Variants in PCSK7 observed in about 807,000 individuals in gnomAD.
PCSK7 encodes proprotein convertase subtilisin/kexin type 7.
In PCSK7, 38 loss-of-function variants were observed where a neutral mutation model predicts 73.3. That is an observed-to-expected ratio of 0.52 (90% confidence interval 0.40 to 0.68). The LOEUF (loss-of-function observed/expected upper bound fraction) is 0.68. Ranked by LOEUF, PCSK7 falls within the 30% of genes least tolerant of loss-of-function variation. The pLI is 0.00. For synonymous variants in PCSK7, 296 were observed against 383.8 expected (o/e 0.77, Z 2.68); for missense variants, 692 against 991.5 (o/e 0.70, Z 4.06).
Position 117,225,986 on chromosome 11 carries a change from T to G in PCSK7, c.805A>C (p.Met269Leu). The G allele has an allele frequency of 6.2e-7, 1 of 1,611,986 alleles. No homozygotes were observed. Among genetic ancestry groups the G allele is most frequent in the East Asian group, 2.2e-5 (1 of 44,868 alleles). Residue 269 changes from methionine (M) to leucine (L), a missense_variant, in exon 6 of 17, where the codon ATG becomes CTG. Physicochemically the swap from Met to Leu is conservative, Grantham distance 15. This residue lies in a region of PCSK7 where 574 missense variants were observed against 689.8 expected (regional missense o/e 0.83). Coordinates refer to ENST00000320934, the MANE Select transcript of PCSK7 (RefSeq NM_004716.4). The stretch of plus-strand genomic sequence containing the variant: ...TGCTTGTTGAACGCCACTGCCTCCA[T>G]GCTGTCTGTGAGAGGTCCATCCAGT... ...RVLDGPLTDS[M>L]EAVAFNKHYQ...
chr11:117,211,687 G>C (rs977956157), intron 12 of PCSK7: 2 of 152,218 alleles, frequency 1.3e-5, no homozygotes, highest in African/African-American at 2.4e-5. Flanking sequence ...TTCTTGGCTA[G>C]ACCTTTTTGC....
At chr11:117,224,569 T>A in intron 7 of PCSK7, 132 bp downstream of exon 7, 1 of 793,940 alleles carries the variant, frequency 1.3e-6, no homozygotes. Flanking sequence ...TGCCCCGACG[T>A]TAGGTGTTCT....
chr11:117,222,469 T>C, intron 9 of PCSK7: 1 of 152,162 alleles, frequency 6.6e-6, no homozygotes, highest in East Asian at 1.9e-4. Context: ...CTCCTGAAGA[T>C]GCACATGACC....
chr11:117,219,448 G>C, intron 10 of PCSK7, 143 bp downstream of exon 10: 1 of 822,058 alleles, frequency 1.2e-6, no homozygotes, highest in Non-Finnish European at 1.9e-6. Flanking sequence ...CCCCACACCT[G>C]TTCTTTACAT....
chr11:117,205,356 C>T lies in PCSK7; in HGVS notation c.*641G>A, dbSNP rs2031304954. On this transcript the variant is annotated 3_prime_UTR_variant, in exon 17 of 17. Transcript: ENST00000320934. Reference sequence around the variant, plus strand: ...CTCTCTCCTCCAACATGTGCATCTGCCATCTGCTCTGCAGTCCTGCCGCAG... The same window carrying T: ...CTCTCTCCTCCAACATGTGCATCTGTCATCTGCTCTGCAGTCCTGCCGCAG... The T allele has an allele frequency of 8.6e-6, 2 of 233,414 alleles. No homozygotes were observed. The highest frequency in any genetic ancestry group is 2.2e-5 in the African/African-American group (1 of 45,344). 14.5% of individuals were successfully genotyped at this position (233,414 alleles called of 1,614,324 possible). A position where few individuals can be genotyped will look rare whatever the true frequency, so the allele number is the denominator to read the frequency against.
chr11:117,215,730 T>A (rs906734363), intron 12 of PCSK7: 6 of 146,934 alleles, frequency 4.1e-5, no homozygotes, highest in African/African-American at 7.6e-5. Context: ...TTTTTTTTTT[T>A]AGTAGAGTCG....
chr11:117,221,048 A>T (rs575890459), intron 9 of PCSK7: 2 of 152,302 alleles, frequency 1.3e-5, no homozygotes, highest in South Asian at 4.1e-4. Context: ...GCCCTGCCTA[A>T]ATCTGCTCCA....
Position 117,218,555 on chromosome 11 carries a change from A to G in PCSK7, c.1445T>C (p.Val482Ala). Residue 482 changes from valine to alanine, a missense_variant, in exon 12 of 17, where the codon GTC (valine) becomes GCC (alanine). By Grantham distance (64) the Val-to-Ala change is moderately conservative. Around this residue, in one of 6 missense-constraint regions of PCSK7, gnomAD observed 574 missense variants for 689.8 expected, o/e 0.83. Coordinates refer to ENST00000320934, the MANE Select transcript of PCSK7 (RefSeq NM_004716.4). The surrounding 1 kb of genome is among the most constrained non-coding windows in gnomAD (Gnocchi z 4.0). ...LVNAAKIWTS[V>A]PYLASYVSPV... ...ACTGACGTAGGATGCTAAGTAAGGG[A>G]CAGATGTCCAGATCTATGAAAGGAA... is the stretch of plus-strand genomic sequence containing the variant. 6.3e-7 allele frequency: 1 copy of G among 1,595,332 alleles called. No homozygotes were observed. Among genetic ancestry groups the G allele is most frequent in the Non-Finnish European group, 8.6e-7 (1 of 1,168,182 alleles).
Position 117,226,143 on chromosome 11 carries a change from T to TC in PCSK7, c.770-123_770-122insG, listed in dbSNP as rs2032417678. On this transcript the variant is annotated intron_variant, in intron 5 of 16. Transcript: ENST00000320934. ...CTACATGCTCTTTGTACATTTTGCT[T>TC]TTTTTTTTTTTTGAGATAAAGTCTT... The TC allele has an allele frequency of 7.5e-6, 3 of 399,636 alleles. No individual in the cohort carries two copies. The East Asian group carries it at 1.3e-4, about 18-fold the overall frequency. 24.8% of individuals were successfully genotyped at this position (399,636 alleles called of 1,614,324 possible). A position where few individuals can be genotyped will look rare whatever the true frequency, so the allele number is the denominator to read the frequency against.
chr11:117,210,702 C>T (rs2031691637), intron 12 of PCSK7: 1 of 152,122 alleles, frequency 6.6e-6, no homozygotes. Flanking sequence ...TAATTTATTC[C>T]AGGCCAGGCA....
intron 12 of PCSK7, chr11:117,216,955 C>T (rs539038589): frequency 6.6e-6 from 1 of 152,108 alleles, no homozygotes; most frequent in East Asian, 1.9e-4. Context: ...TGAAACAAAA[C>T]AAAAAATCCC....
intron 12 of PCSK7, chr11:117,215,766 G>A (rs2031960390): frequency 6.6e-6 from 1 of 150,570 alleles, no homozygotes; most frequent in South Asian, 2.1e-4. Context: ...GGCCAGGCTG[G>A]TCTTGAACTC....
rs1176744920 is a variant in PCSK7, at chr11:117,206,348, C to A, written c.2007G>T (p.Val669=). 6.2e-7 allele frequency: 1 copy of A among 1,607,392 alleles called. No homozygotes were observed. The highest frequency in any genetic ancestry group is 1.3e-5 in the African/African-American group (1 of 74,936). Residue 669 remains valine, a synonymous_variant, in exon 17 of 17, where the codon GTG becomes GTT. Coordinates refer to ENST00000320934, the MANE Select transcript of PCSK7 (RefSeq NM_004716.4). ...AGAAGACGGTGAAACAGCCTACCAG[C>A]ACCAGGGTCTGGGGCCGAGGCAAGC... is the stretch of plus-strand genomic sequence containing the variant. The part of the protein sequence containing the change: ...TITPNTLKTL[V]LVGCFTVFWT...
In PCSK7 at chr11:117,229,656, A is replaced by C; in HGVS notation, c.189T>G (p.Gly63=). The change falls in exon 3 of 17, where the codon GGT becomes GGG. Residue 63 remains glycine, a synonymous_variant. Transcript: ENST00000320934. ...GCTCCAGAGTCTCTTCCTCCCCGTC[A>C]CCTTCCAGGCTTTCCAGGTGCACAG... The part of the protein sequence containing the change: ...SWAVHLESLE[G]DGEEETLEQQ... 6.2e-7 allele frequency: 1 copy of C among 1,613,784 alleles called. No individual in the cohort carries two copies. Among genetic ancestry groups the C allele is most frequent in the Non-Finnish European group, 8.5e-7 (1 of 1,179,730 alleles).
rs557158056 is a variant in PCSK7 at position 117,218,390 on chromosome 11, G to A, written c.1534+76C>T. On this transcript the variant is annotated intron_variant, in intron 12 of 16. Coordinates refer to ENST00000320934, the MANE Select transcript of PCSK7 (RefSeq NM_004716.4). The surrounding 1 kb of genome is among the most constrained non-coding windows in gnomAD (Gnocchi z 4.0). Reference sequence around the variant, plus strand: ...GAAAGGGGGTAGAATCTGGCAGGGAGGACGAGTTTAACTTCCTTGTCACCC... The same window carrying A: ...GAAAGGGGGTAGAATCTGGCAGGGAAGACGAGTTTAACTTCCTTGTCACCC... The A allele has an allele frequency of 3.0e-5, 22 of 739,220 alleles. No homozygotes were observed. The South Asian group carries it at 4.5e-4, about 15-fold the overall frequency. 45.8% of individuals were successfully genotyped at this position (739,220 alleles called of 1,614,324 possible).
chr11:117,204,634 A>T lies in PCSK7; in HGVS notation c.*1363T>A, dbSNP rs368754158. On this transcript the variant is annotated 3_prime_UTR_variant, in exon 17 of 17. Coordinates refer to ENST00000320934, the MANE Select transcript of PCSK7 (RefSeq NM_004716.4). ...TCCTCCCTGGGCTAAGCAGGGGAGA[A>T]GCGGGCTGGGGGTAGCCTGGATGTG... 5.6e-6 allele frequency: 3 copies of T among 535,986 alleles called. No individual in the cohort carries two copies. The East Asian group carries it at 1.1e-4, about 19-fold the overall frequency. The allele number at this position is 535,986 out of a possible 1,614,324, so 33.2% of individuals were successfully genotyped here.
chr11:117,231,340 C>T (rs1033346158), intron 1 of PCSK7: 2 of 152,248 alleles, frequency 1.3e-5, no homozygotes, highest in African/African-American at 2.4e-5. Flanking sequence ...CTCGTTTTCT[C>T]TTAGGTTTCC....
intron 15 of PCSK7, 91 bp downstream of exon 15, chr11:117,206,976 A>C: frequency 3.4e-6 from 5 of 1,449,726 alleles, no homozygotes; most frequent in Non-Finnish European, 4.8e-6. Flanking sequence ...TGGAACTGGG[A>C]AGCACAGCTG....
intron 12 of PCSK7, chr11:117,215,380 G>GTGTGTGTGTGTATATATATA (rs1164738557): frequency 5.4e-5 from 3 of 55,902 alleles, no homozygotes; most frequent in Non-Finnish European, 8.3e-5. Flanking sequence ...GTGTGTGTGT[G>GTGTGTGTGTGTATATATATA]TATATATATA....
Sources: allele counts gnomAD v4.1 joint callset, GRCh38; gene constraint gnomAD v4.1.1; regional missense constraint gnomAD v4.1.1; non-coding constraint Gnocchi (gnomAD v3.1); transcripts MANE v1.5; gene names NCBI Gene and HGNC (gene_info 2026-07-23, HGNC 2026-07-21).